The following VPS13C variants were observed in gnomAD, a reference collection of about 807,000 sequenced individuals.
The protein encoded by VPS13C is intermembrane lipid transfer protein VPS13C.
In VPS13C, 358 loss-of-function variants were observed where a neutral mutation model predicts 456.8. That is an observed-to-expected ratio of 0.78 (90% CI 0.72 to 0.86). The LOEUF (loss-of-function observed/expected upper bound fraction) is 0.86, where lower values mean the gene tolerates loss of function less well. VPS13C is among the 40% of genes least tolerant of loss of function. VPS13C has a pLI of 0.00. For missense variants in VPS13C, 4,818 were observed against 4,385.4 expected (o/e 1.10, Z -2.79); for synonymous variants, 1,578 against 1,486.7 (o/e 1.06, Z -1.41).
chr15:61,908,778 C>A (rs1438870764), intron 65 of VPS13C, among the ~76,000 whole-genome samples: 2 of 152,074 alleles, frequency 1.3e-5, no homozygotes, highest in East Asian at 3.8e-4. Context: ...CTATTTATCC[C>A]ATTTGATGTG....
At chr15:61,945,102 T>C (rs542348151) in intron 45 of VPS13C, among the ~76,000 whole-genome samples, 27 of 152,326 alleles carry the variant, frequency 1.8e-4, no homozygotes, top group African/African-American at 6.5e-4. Context: ...AGCTTGTTCT[T>C]GTCTGCTGTC....
chr15:61,924,901 G>A (rs1385725385), intron 53 of VPS13C, among the ~76,000 whole-genome samples: 1 of 152,094 alleles, frequency 6.6e-6, no homozygotes, highest in Non-Finnish European at 1.5e-5. Context: ...TTCGTGACTG[G>A]GCACGAGGTA....
intron 1 of VPS13C, among the ~76,000 whole-genome samples, chr15:62,045,075 G>C (rs1392716012): frequency 2.0e-5 from 3 of 151,876 alleles, no homozygotes; most frequent in African/African-American, 7.3e-5. Context: ...AGGTATTTTT[G>C]AGTGAATTTA....
intron 35 of VPS13C, 78 bp from the exon 36 acceptor site, chr15:61,959,673 C>A (rs2045129859): frequency 2.8e-6 from 4 of 1,436,776 alleles, no homozygotes; most frequent in Admixed American, 3.9e-5. Context: ...CAAAGTCAAG[C>A]AGTTATTTGC....
At chr15:61,913,493 C>G in intron 61 of VPS13C, 78 bp from the exon 62 acceptor site, 4 of 1,291,446 alleles carry the variant, frequency 3.1e-6, no homozygotes, top group Non-Finnish European at 4.4e-6. Flanking sequence ...AGTTGCTGGA[C>G]TACTAGAAAT....
chr15:61,962,675 A>G (rs2045248548), intron 33 of VPS13C, 74 bp downstream of exon 33: 1 of 1,329,646 alleles, frequency 7.5e-7, no homozygotes, highest in African/African-American at 1.5e-5. Context: ...TGTTTTTAAA[A>G]TAAAATACAT....
chr15:62,043,579 C>T (rs12438492), intron 2 of VPS13C, among the ~76,000 whole-genome samples: 1 of 152,020 alleles, frequency 6.6e-6, no homozygotes, highest in Non-Finnish European at 1.5e-5. Flanking sequence ...GCACTCCAGC[C>T]TAGGCAACAG....
At chr15:61,981,723 C>T (rs1303145247) in intron 21 of VPS13C, among the ~76,000 whole-genome samples, 1 of 152,008 alleles carries the variant, frequency 6.6e-6, no homozygotes, top group Non-Finnish European at 1.5e-5. Flanking sequence ...ATTAGCCAGG[C>T]GTGGTGGCGG....
intron 18 of VPS13C, among the ~76,000 whole-genome samples, chr15:61,987,876 C>G (rs567378691): frequency 6.6e-6 from 1 of 152,164 alleles, no homozygotes; most frequent in African/African-American, 2.4e-5. Flanking sequence ...AACTCTACTC[C>G]CAGGTATTTA....
At chr15:61,985,381 C>T (rs911569359) in intron 18 of VPS13C, among the ~76,000 whole-genome samples, 2 of 152,140 alleles carry the variant, frequency 1.3e-5, no homozygotes, top group African/African-American at 2.4e-5. Context: ...CTCAGCCTCC[C>T]GAGTAGCTGG....
chr15:61,923,861 C>CTTTTTTTTTTTTTTTTTTTTTTTTTTTT (rs1188960583), intron 53 of VPS13C, among the ~76,000 whole-genome samples: 1 of 75,124 alleles, frequency 1.3e-5, no homozygotes, highest in African/African-American at 5.7e-5. Flanking sequence ...CCCTCTAAAT[C>CTTTTTTTTTTTTTTTTTTTTTTTTTTTT]TTTTTTTTTT....
intron 3 of VPS13C, 126 bp from the exon 4 acceptor site, chr15:62,035,178 T>A (rs1351392335): frequency 2.1e-6 from 1 of 476,756 alleles, no homozygotes; most frequent in Non-Finnish European, 3.7e-6. Flanking sequence ...TCAGAAAAAA[T>A]GAAAAAAATC....
chr15:61,877,887 G>A (rs570231913), intron 74 of VPS13C, among the ~76,000 whole-genome samples: 9 of 151,774 alleles, frequency 5.9e-5, no homozygotes, highest in Admixed American at 1.3e-4. Flanking sequence ...CCATTATACC[G>A]TTAGAATCTA....
chr15:61,874,956 C>CAA lies in VPS13C; in HGVS notation c.10339-7_10339-6dup. ...TTCAGGGCCTTGAACAGCACCCTGGCAAAAAAAAATAAAAAATAATCTTAT... is the reference window on the plus strand; with the variant it reads ...TTCAGGGCCTTGAACAGCACCCTGGCAAAAAAAAAAATAAAAAATAATCTTAT... On this transcript the variant is annotated splice_polypyrimidine_tract_variant and splice_region_variant and intron_variant, in intron 76 of 84. Transcript: ENST00000644861. 1 of 1,506,370 alleles carries CAA rather than the reference C, an allele frequency of 6.6e-7. No homozygotes were observed. Among genetic ancestry groups the CAA allele is most frequent in the Non-Finnish European group, 8.8e-7 (1 of 1,131,824 alleles). The allele number at this position is 1,506,370 out of a possible 1,614,324, so 93.3% of individuals were successfully genotyped here.
intron 17 of VPS13C, 24 bp downstream of exon 17, chr15:61,991,646 CAAT>C: frequency 6.2e-7 from 1 of 1,606,978 alleles, no homozygotes; most frequent in South Asian, 1.1e-5. Context: ...TAACACTGTA[CAAT>C]AAGTTATTTG....
chr15:62,046,380 A>G (rs1328541128), intron 1 of VPS13C, among the ~76,000 whole-genome samples: 2 of 152,216 alleles, frequency 1.3e-5, no homozygotes, highest in African/African-American at 4.8e-5. Context: ...ACAGGGGGAA[A>G]AAAGTCCTTA....
chr15:62,049,400 T>G (rs995672898), intron 1 of VPS13C, among the ~76,000 whole-genome samples: 11 of 152,194 alleles, frequency 7.2e-5, no homozygotes, highest in East Asian at 1.9e-4. Context: ...GTTTGTCAAA[T>G]ATCAGATGGT....
chr15:61,935,918 C>A (rs2044213246), intron 48 of VPS13C, among the ~76,000 whole-genome samples: 1 of 152,100 alleles, frequency 6.6e-6, no homozygotes. Context: ...ACTATATGGG[C>A]AAGGGGTACT....
chr15:61,994,552 C>T (rs1003229393), intron 16 of VPS13C, among the ~76,000 whole-genome samples: 1 of 151,476 alleles, frequency 6.6e-6, no homozygotes, highest in Non-Finnish European at 1.5e-5. Flanking sequence ...AACAGTGAAG[C>T]AAATTCTGGT....
Sources: gnomAD v4.1 joint callset for allele counts (sites outside exome capture counted in the v4.1 genomes callset) on GRCh38, gnomAD v4.1.1 for gene constraint, MANE v1.5 for transcripts, NCBI Gene and HGNC (gene_info 2026-07-23, HGNC 2026-07-21) for gene names.